RRM2B: variants seen among roughly 807,000 people sequenced by gnomAD.
RRM2B encodes the protein ribonucleotide reductase regulatory TP53 inducible subunit M2B.
Under a neutral mutation model 45.9 loss-of-function variants are expected in RRM2B, and 20 were observed. The observed-to-expected ratio is 0.44, with a 90% CI of 0.31 to 0.63. The LOEUF (loss-of-function observed/expected upper bound fraction) is 0.63, where lower values mean the gene tolerates loss of function less well. Among genes scored for constraint, RRM2B ranks in the 30% least tolerant of loss-of-function variants. The pLI is 0.09. For synonymous variants in RRM2B, 124 were observed against 132.3 expected (o/e 0.94, Z 0.43); for missense variants, 320 against 414.7 (o/e 0.77, Z 1.98).
chr8:102,229,435 G>A (rs537557187), intron 2 of RRM2B, among the ~76,000 whole-genome samples: 241 of 152,276 alleles, frequency 1.6e-3, no homozygotes, highest in African/African-American at 5.3e-3. Flanking sequence ...ACCTGACACC[G>A]TGCTAAGCAC....
intron 8 of RRM2B, among the ~76,000 whole-genome samples, chr8:102,208,915 G>A (rs578220098): frequency 1.1e-4 from 16 of 152,310 alleles, no homozygotes; most frequent in African/African-American, 2.6e-4. Flanking sequence ...TTGGGAGGCC[G>A]AGGTAGGTGG....
intron 1 of RRM2B, among the ~76,000 whole-genome samples, chr8:102,238,105 T>C (rs1293898601): frequency 6.6e-6 from 1 of 152,262 alleles, no homozygotes; most frequent in Non-Finnish European, 1.5e-5. Flanking sequence ...TTCTGGTTTA[T>C]TTATTTTAGG....
At chr8:102,218,281 A>C in intron 6 of RRM2B, among the ~76,000 whole-genome samples, 1 of 152,200 alleles carries the variant, frequency 6.6e-6, no homozygotes, top group Admixed American at 6.5e-5. Flanking sequence ...CTAGGAGGAC[A>C]CTGATATTAA....
In RRM2B at chr8:102,238,810, G is replaced by C. The variant is rs761838650; in HGVS notation, c.48+17C>G. 9.3e-6 allele frequency: 15 copies of C among 1,613,646 alleles called. No homozygotes were observed. Among genetic ancestry groups the C allele is most frequent in the African/African-American group, 6.7e-5 (5 of 74,922 alleles). On this transcript the variant is annotated intron_variant, in intron 1 of 8. Transcript: ENST00000251810. ...GCGTGACTGCGGTGAGGGGGAAGAC[G>C]CAACAGCAACATTTACCTCATCCTG...
intron 2 of RRM2B, among the ~76,000 whole-genome samples, chr8:102,227,502 A>G (rs1055227829): frequency 1.3e-5 from 2 of 151,774 alleles, no homozygotes; most frequent in Non-Finnish European, 2.9e-5. Flanking sequence ...GGGTTTTGCC[A>G]TATTGCCCAG....
chr8:102,238,321 A>C, intron 1 of RRM2B: 2 of 339,760 alleles, frequency 5.9e-6, no homozygotes, highest in South Asian at 4.7e-5. Flanking sequence ...TGATTTTTTC[A>C]CTGGGAGGAG....
rs570049679 is a variant in RRM2B, at chr8:102,233,488, T to C, written c.49-1184A>G. Reference sequence around the variant, plus strand: ...TTAGTATCGTGTCAAGCATGTTAGCTAAGTAAATGGGCTGCTAATTTCTCT... The same window carrying C: ...TTAGTATCGTGTCAAGCATGTTAGCCAAGTAAATGGGCTGCTAATTTCTCT... On this transcript the variant is annotated intron_variant, in intron 1 of 8. Transcript: ENST00000251810. Among the ~76,000 whole-genome samples, 48 of 152,324 alleles carry C rather than the reference T, an allele frequency of 3.2e-4. 2 individuals are homozygous for C. The South Asian group carries it at 7.0e-3, about 22-fold the overall frequency.
chr8:102,216,887 T>C lies in RRM2B; in HGVS notation c.684+1927A>G, dbSNP rs576222389. On this transcript the variant is annotated intron_variant, in intron 6 of 8. Transcript: ENST00000251810. Reference sequence around the variant, plus strand: ...GTGAGAGTATGGTAGAAAATGTTCATACATTGCTAGATGGGGCTGAAAATT... The same window carrying C: ...GTGAGAGTATGGTAGAAAATGTTCACACATTGCTAGATGGGGCTGAAAATT... 2.1e-3 allele frequency among the ~76,000 whole-genome samples: 315 copies of C among 152,232 alleles called. 10 individuals are homozygous for C. The South Asian group carries it at 0.064, about 31-fold the overall frequency.
At chr8:102,218,769 C>A in intron 6 of RRM2B, 45 bp downstream of exon 6, 29 of 1,301,364 alleles carry the variant, frequency 2.2e-5, no homozygotes, top group Non-Finnish European at 3.0e-5. Flanking sequence ...AGATGAACAT[C>A]AAATATGAAT....
At chr8:102,219,829 C>T (rs112729048) in intron 5 of RRM2B, among the ~76,000 whole-genome samples, 5,314 of 152,262 alleles carry the variant, frequency 0.035, 155 homozygotes, top group Admixed American at 0.082. Context: ...GGTGACATCA[C>T]GGTTTATACC....
intron 8 of RRM2B, among the ~76,000 whole-genome samples, chr8:102,212,310 T>C (rs1267146482): frequency 2.0e-5 from 3 of 152,180 alleles, no homozygotes; most frequent in Non-Finnish European, 4.4e-5. Context: ...ACCGCACTGA[T>C]GAAATTCAGG....
At chr8:102,222,398 A>G (rs1810852335) in intron 5 of RRM2B, among the ~76,000 whole-genome samples, 1 of 152,160 alleles carries the variant, frequency 6.6e-6, no homozygotes, top group South Asian at 2.1e-4. Context: ...CTTGAAATGA[A>G]CTGAAGGCAA....
chr8:102,212,985 A>AT, intron 7 of RRM2B, 96 bp from the exon 8 acceptor site: 1 of 729,712 alleles, frequency 1.4e-6, no homozygotes, highest in Non-Finnish European at 2.5e-6. Context: ...TCTAAGACTG[A>AT]TTTTGTCCAA....
At chr8:102,223,687 C>T (rs1810873350) in intron 5 of RRM2B, among the ~76,000 whole-genome samples, 1 of 131,212 alleles carries the variant, frequency 7.6e-6, no homozygotes, top group African/African-American at 3.0e-5. Context: ...CAGAGCGAGA[C>T]TCCGTCTCAA....
intron 6 of RRM2B, among the ~76,000 whole-genome samples, chr8:102,216,560 T>C (rs991880461): frequency 5.9e-5 from 9 of 152,120 alleles, no homozygotes; most frequent in Non-Finnish European, 1.0e-4. Context: ...CACTGTACAT[T>C]GGGAATAAAC....
At chr8:102,229,029 G>A (rs1284488023) in intron 2 of RRM2B, among the ~76,000 whole-genome samples, 1 of 152,222 alleles carries the variant, frequency 6.6e-6, no homozygotes, top group African/African-American at 2.4e-5. Flanking sequence ...GCCAAGGTGA[G>A]TGGATCATGA....
intron 1 of RRM2B, 137 bp downstream of exon 1, chr8:102,238,690 G>A (rs1479183260): frequency 1.9e-6 from 3 of 1,552,016 alleles, no homozygotes; most frequent in African/African-American, 1.4e-5. Flanking sequence ...CAACGACGAA[G>A]CCAGGCTGCG....
chr8:102,218,988 C>G, intron 5 of RRM2B, 41 bp from the exon 6 acceptor site: 1 of 1,577,066 alleles, frequency 6.3e-7, no homozygotes, highest in South Asian at 1.1e-5. Context: ...AAATATACTG[C>G]AAACATTTGC....
chr8:102,236,677 A>G (rs1375429864), intron 1 of RRM2B, among the ~76,000 whole-genome samples: 2 of 152,372 alleles, frequency 1.3e-5, no homozygotes, highest in African/African-American at 2.4e-5. Flanking sequence ...CAGGTAAGAT[A>G]GGAGATAGAG....
Sources: gnomAD v4.1 joint callset for allele counts (sites outside exome capture counted in the v4.1 genomes callset) on GRCh38, gnomAD v4.1.1 for gene constraint, MANE v1.5 for transcripts, NCBI Gene and HGNC (gene_info 2026-07-23, HGNC 2026-07-21) for gene names.